The following USP43 variants were observed in gnomAD, a reference collection of about 807,000 sequenced individuals.
USP43 encodes ubiquitin specific peptidase 43.
USP43 carries 33 observed loss-of-function variants against 90.7 expected under a neutral mutation model. The observed-to-expected ratio is 0.36, with a 90% CI of 0.28 to 0.49. The LOEUF (loss-of-function observed/expected upper bound fraction) is 0.49. USP43 is among the 20% of genes least tolerant of loss of function. The probability of loss-of-function intolerance (pLI) is 0.98; values close to 1 mark genes in which losing one functional copy is unlikely to be tolerated. For missense variants in USP43, 1,274 were observed against 1,476.4 expected (o/e 0.86, Z 2.25); for synonymous variants, 598 against 615.8 (o/e 0.97, Z 0.43).
chr17:9,646,001 C>A lies in USP43; in HGVS notation c.369C>A (p.Asp123Glu). The change falls in exon 1 of 15, where the codon GAC (aspartate) becomes GAA (glutamate). Residue 123 changes from aspartate (D) to glutamate (E), a missense_variant. Physicochemically the swap from Asp to Glu is conservative, Grantham distance 45. This residue lies in a region of USP43 where 259 missense variants were observed against 373.7 expected (regional missense o/e 0.69). Coordinates refer to ENST00000285199, the MANE Select transcript of USP43 (RefSeq NM_153210.5). Reference protein sequence around the residue: ...NAVVQCLSNTDLLAEFLALGR... With the variant: ...NAVVQCLSNTELLAEFLALGR... The stretch of plus-strand genomic sequence containing the variant: ...TGGTGCAGTGTCTCAGCAACACCGA[C>A]CTGCTGGCCGAGTTCCTGGCGCTGG... 6.7e-7 allele frequency: 1 copy of A among 1,485,116 alleles called. No individual in the cohort carries two copies. The allele number at this position is 1,485,116 out of a possible 1,614,324, so 92.0% of individuals were successfully genotyped here.
chr17:9,707,545 G>A (rs750511574), intron 12 of USP43, among the ~76,000 whole-genome samples: 41 of 151,264 alleles, frequency 2.7e-4, no homozygotes, highest in Non-Finnish European at 4.3e-4. Flanking sequence ...TACTCGGGAG[G>A]CTGAGGCAGG....
intron 2 of USP43, among the ~76,000 whole-genome samples, chr17:9,662,222 G>A (rs1408200138): frequency 6.6e-6 from 1 of 152,092 alleles, no homozygotes; most frequent in African/African-American, 2.4e-5. Context: ...CCCATGCATG[G>A]ACTGGATTCA....
Position 9,701,415 on chromosome 17 carries a change from C to T in USP43, c.1726C>T (p.Leu576=). 1 of 1,603,936 alleles carries T rather than the reference C, an allele frequency of 6.2e-7. No homozygotes were observed. The highest frequency in any genetic ancestry group is 1.1e-5 in the South Asian group (1 of 88,760). Residue 576 remains leucine (L), a synonymous_variant, in exon 12 of 15, where the codon CTG becomes TTG. Coordinates refer to ENST00000285199, the MANE Select transcript of USP43 (RefSeq NM_153210.5). This position sits in a 1 kb window ranked among gnomAD's most constrained non-coding sequence, Gnocchi z 7.2. ...CQVLQQGMVK[L]SLWTLPDILI... is the part of the protein sequence containing the mutation. ...AGTCCTGCAGCAGGGGATGGTGAAGCTGAGTTTGTGGACGCTGCCTGACAT... is the reference window on the plus strand; with the variant it reads ...AGTCCTGCAGCAGGGGATGGTGAAGTTGAGTTTGTGGACGCTGCCTGACAT...
chr17:9,667,069 C>G (rs9916151), intron 3 of USP43, among the ~76,000 whole-genome samples: 1,802 of 152,184 alleles, frequency 0.012, 40 homozygotes, highest in African/African-American at 0.041. Flanking sequence ...TTGGAGAGAC[C>G]CTTCCTGTTT....
At chr17:9,649,454 A>G (rs540028674) in intron 1 of USP43, among the ~76,000 whole-genome samples, 1 of 151,784 alleles carries the variant, frequency 6.6e-6, no homozygotes, top group East Asian at 1.9e-4. Context: ...CTGAGGTTTG[A>G]GCTTCTCTTG....
At chr17:9,696,108 G>T (rs1915241595) in intron 9 of USP43, among the ~76,000 whole-genome samples, 1 of 151,620 alleles carries the variant, frequency 6.6e-6, no homozygotes, top group Non-Finnish European at 1.5e-5. Flanking sequence ...GGCCCTCTGG[G>T]TTCCATTTAT....
rs1917487132 is a variant in USP43, at chr17:9,729,675, C to T, written c.*685C>T. ...GATCTATGTACAATTTTAATAAAAT[C>T]CTGTCCATGAAACACGCATGGCTGT... On this transcript the variant is annotated 3_prime_UTR_variant, in exon 15 of 15. Transcript: ENST00000285199. 3 of 152,022 alleles carry T rather than the reference C, an allele frequency of 2.0e-5. No individual in the cohort carries two copies. The highest frequency in any genetic ancestry group is 2.9e-5 in the Non-Finnish European group (2 of 68,006). The allele number at this position is 152,022 out of a possible 1,614,324, so 9.4% of individuals were successfully genotyped here.
intron 13 of USP43, 26 bp downstream of exon 13, chr17:9,710,140 G>C (rs1916101939): frequency 7.1e-7 from 1 of 1,413,298 alleles, no homozygotes; most frequent in Non-Finnish European, 9.3e-7. Flanking sequence ...CATGACAGGA[G>C]GGGGGTGTGG....
rs1243113224 is a variant in USP43, at chr17:9,689,215, A to G, written c.1353+2306A>G. Among the ~76,000 whole-genome samples, 7 of 152,132 alleles carry G rather than the reference A, an allele frequency of 4.6e-5. 1 individual carries two copies. The highest frequency in any genetic ancestry group is 1.0e-4 in the Non-Finnish European group (7 of 68,022). On this transcript the variant is annotated intron_variant, in intron 8 of 14. Transcript: ENST00000285199. ...TAATACTATATTAAATACTGGTTCA[A>G]ATATAGTCATTTGAAGAGAATATAT...
At chr17:9,679,852 T>A (rs999952295) in intron 5 of USP43, among the ~76,000 whole-genome samples, 2 of 152,126 alleles carry the variant, frequency 1.3e-5, no homozygotes, top group African/African-American at 4.8e-5. Flanking sequence ...CTTCAATGTT[T>A]GGTAAAAATT....
Position 9,686,967 on chromosome 17 carries a change from G to T in USP43, c.1353+58G>T. 2 of 1,476,954 alleles carry T rather than the reference G, an allele frequency of 1.4e-6. No individual in the cohort carries two copies. Among genetic ancestry groups the T allele is most frequent in the Non-Finnish European group, 1.9e-6 (2 of 1,071,730 alleles). 91.5% of individuals were successfully genotyped at this position (1,476,954 alleles called of 1,614,324 possible). On this transcript the variant is annotated intron_variant, in intron 8 of 14. Coordinates refer to ENST00000285199, the MANE Select transcript of USP43 (RefSeq NM_153210.5). This position sits in a 1 kb window ranked among gnomAD's most constrained non-coding sequence, Gnocchi z 5.5. ...CGTGCATGCGCATGTGCATGCGTGT[G>T]TGTGGGTGTGTGTATTGGGAGGGGT...
In USP43 at chr17:9,701,584, C is replaced by T; in HGVS notation, c.1895C>T (p.Pro632Leu). The T allele has an allele frequency of 6.4e-7, 1 of 1,572,972 alleles. No homozygotes were observed. Among genetic ancestry groups the T allele is most frequent in the Non-Finnish European group, 8.6e-7 (1 of 1,159,934 alleles). The change falls in exon 12 of 15, where the codon CCC becomes CTC. Residue 632 changes from proline (P) to leucine (L), a missense_variant. Around this residue, in one of 6 missense-constraint regions of USP43, gnomAD observed 285 missense variants for 349.6 expected, o/e 0.82. Coordinates refer to ENST00000285199, the MANE Select transcript of USP43 (RefSeq NM_153210.5). The surrounding 1 kb of genome is among the most constrained non-coding windows in gnomAD (Gnocchi z 7.2). ...ACCAGCCCTGAGGCAGGACTGGGCCCCTGGCCTTCCTGGAAGCAGCCGGAC... is the reference window on the plus strand; with the variant it reads ...ACCAGCCCTGAGGCAGGACTGGGCCTCTGGCCTTCCTGGAAGCAGCCGGAC... ...RSTSPEAGLG[P>L]WPSWKQPDCL... is the part of the protein sequence containing the mutation.
intron 8 of USP43, among the ~76,000 whole-genome samples, chr17:9,691,186 C>T: frequency 6.6e-6 from 1 of 151,038 alleles, no homozygotes; most frequent in Non-Finnish European, 1.5e-5. Context: ...GTGATCTCAG[C>T]TCACTGCAAC....
chr17:9,694,892 G>A (rs1444687061), intron 9 of USP43, among the ~76,000 whole-genome samples: 1 of 152,128 alleles, frequency 6.6e-6, no homozygotes, highest in Non-Finnish European at 1.5e-5. Flanking sequence ...CCAAAGTGGT[G>A]GGATTACAGG....
At position 9,728,527 on chromosome 17, in the gene USP43, C is replaced by G. The variant is rs751054003; in HGVS notation, c.2909C>G (p.Pro970Arg). ...QMGSKSSPPSPYMGFSGNSKD... is the reference protein window; with the variant it reads ...QMGSKSSPPSRYMGFSGNSKD... ...GGAAGCAAAAGCAGCCCACCCTCCC[C>G]CTATATGGGATTCTCTGGAAACAGC... Residue 970 changes from proline to arginine, a missense_variant, in exon 15 of 15, where the codon CCC becomes CGC. Coordinates refer to ENST00000285199, the MANE Select transcript of USP43 (RefSeq NM_153210.5). This position sits in a 1 kb window ranked among gnomAD's most constrained non-coding sequence, Gnocchi z 6.2. 6.2e-6 allele frequency: 10 copies of G among 1,613,840 alleles called. No homozygotes were observed. In the Admixed American group the frequency reaches 6.7e-5, roughly 11 times the overall value.
intron 14 of USP43, among the ~76,000 whole-genome samples, chr17:9,715,667 CTGTGTGTGTGTCTGTGTGTA>C (rs1440547516): frequency 4.5e-4 from 57 of 126,970 alleles, no homozygotes; most frequent in Middle Eastern, 0.011. Flanking sequence ...GTGTATGTGC[CTGTGTGTGTGTCTGTGTGTA>C]TGTGTGTGTG....
At chr17:9,667,720 C>T (rs112260865) in intron 3 of USP43, among the ~76,000 whole-genome samples, 2,848 of 152,206 alleles carry the variant, frequency 0.019, 74 homozygotes, top group African/African-American at 0.056. Context: ...GGGATTTAGA[C>T]GAGGAAGCCA....
In USP43 at chr17:9,729,090, C is replaced by T; in HGVS notation, c.*100C>T. The T allele has an allele frequency of 8.1e-7, 1 of 1,231,238 alleles. No individual in the cohort carries two copies. 76.3% of individuals were successfully genotyped at this position (1,231,238 alleles called of 1,614,324 possible). On this transcript the variant is annotated 3_prime_UTR_variant, in exon 15 of 15. Coordinates refer to ENST00000285199, the MANE Select transcript of USP43 (RefSeq NM_153210.5). Reference sequence around the variant, plus strand: ...AATGGGTTTCCAGGAAACCCGTTGTCTTGTAATCTCTAAAAAAAAATTTTT... The same window carrying T: ...AATGGGTTTCCAGGAAACCCGTTGTTTTGTAATCTCTAAAAAAAAATTTTT...
Position 9,709,829 on chromosome 17 carries a change from G to A in USP43, c.2012-127G>A. 9.5e-7 allele frequency: 1 copy of A among 1,051,060 alleles called. No individual in the cohort carries two copies. Among genetic ancestry groups the A allele is most frequent in the African/African-American group, 1.7e-5 (1 of 60,606 alleles). 65.1% of individuals were successfully genotyped at this position (1,051,060 alleles called of 1,614,324 possible). ...TGATTCCAAAAAAAATTCATTTCTG[G>A]CCAAAAATGGACTGTTTTTTTCTCA... On this transcript the variant is annotated intron_variant, in intron 12 of 14. Coordinates refer to ENST00000285199, the MANE Select transcript of USP43 (RefSeq NM_153210.5). The surrounding 1 kb of genome is among the most constrained non-coding windows in gnomAD (Gnocchi z 5.0).
Sources: gnomAD v4.1 joint callset for allele counts (sites outside exome capture counted in the v4.1 genomes callset) on GRCh38, gnomAD v4.1.1 for gene constraint, gnomAD v4.1.1 regional missense constraint, Gnocchi (gnomAD v3.1) non-coding constraint, MANE v1.5 for transcripts, NCBI Gene and HGNC (gene_info 2026-07-23, HGNC 2026-07-21) for gene names.